Variants in ARHGEF7 observed in about 807,000 individuals in gnomAD.
ARHGEF7 encodes the protein PAK-interacting exchange factor beta.
In ARHGEF7, 33 loss-of-function variants were observed where a neutral mutation model predicts 109.8. The ratio of observed to expected loss-of-function variants is 0.30; its 90% confidence interval spans 0.23 to 0.40. The LOEUF is 0.40. Among genes scored for constraint, ARHGEF7 ranks in the 10% least tolerant of loss-of-function variants. ARHGEF7 has a pLI of 1.00. For missense variants in ARHGEF7, 938 were observed against 1,098.5 expected, an observed-to-expected ratio of 0.85 and a Z score of 2.07; for synonymous variants, 458 against 424.6, an observed-to-expected ratio of 1.08 and a Z score of -0.97.
intron 5 of ARHGEF7, among the ~76,000 whole-genome samples, chr13:111,220,460 C>G (rs962886857): frequency 4.6e-5 from 7 of 152,144 alleles, no homozygotes; most frequent in Admixed American, 2.0e-4. Flanking sequence ...TGTATTTCTC[C>G]TTGTGGATTT....
chr13:111,204,567 A>G (rs1594687294), intron 2 of ARHGEF7, among the ~76,000 whole-genome samples: 12 of 152,140 alleles, frequency 7.9e-5, no homozygotes, highest in Admixed American at 7.9e-4. Context: ...CCACATACCT[A>G]GGCAAACCAA....
chr13:111,172,370 C>T (rs1256518603), intron 2 of ARHGEF7, among the ~76,000 whole-genome samples: 3 of 151,766 alleles, frequency 2.0e-5, no homozygotes, highest in Non-Finnish European at 4.4e-5. Flanking sequence ...TTTAGAGCAT[C>T]GTCTCTGTGG....
At chr13:111,250,617 T>C (rs530046247) in intron 8 of ARHGEF7, among the ~76,000 whole-genome samples, 43 of 152,250 alleles carry the variant, frequency 2.8e-4, no homozygotes, top group Non-Finnish European at 4.4e-4. Flanking sequence ...GAGTTTCCAG[T>C]GGTTCAGTTC....
intron 13 of ARHGEF7, 35 bp from the exon 14 acceptor site, chr13:111,280,236 AT>A: frequency 2.6e-6 from 4 of 1,521,364 alleles, no homozygotes; most frequent in Non-Finnish European, 2.7e-6. Flanking sequence ...AAAAGCACTA[AT>A]TGTTTTTTTT....
chr13:111,233,176 A>T lies in ARHGEF7; in HGVS notation c.671-29A>T, dbSNP rs767376524. 3.2e-6 allele frequency: 5 copies of T among 1,573,450 alleles called. No individual in the cohort carries two copies. In the Admixed American group the frequency reaches 8.3e-5, roughly 26 times the overall value. On this transcript the variant is annotated intron_variant, in intron 5 of 21. Coordinates refer to ENST00000646102, the MANE Select transcript of ARHGEF7 (RefSeq NM_001354046.2). ...ACTTTTGTCATCTTTAGTACTGATCAGTAAAACTATGTTACATTTTCATTT... is the reference window on the plus strand; with the variant it reads ...ACTTTTGTCATCTTTAGTACTGATCTGTAAAACTATGTTACATTTTCATTT...
At chr13:111,202,376 G>A (rs921330822) in intron 2 of ARHGEF7, among the ~76,000 whole-genome samples, 10 of 152,202 alleles carry the variant, frequency 6.6e-5, no homozygotes, top group Admixed American at 4.6e-4. Context: ...CTGGACTCCA[G>A]AACACTGCTG....
intron 8 of ARHGEF7, among the ~76,000 whole-genome samples, chr13:111,261,062 G>A (rs911459215): frequency 6.6e-6 from 1 of 151,906 alleles, no homozygotes; most frequent in Non-Finnish European, 1.5e-5. Context: ...AGGAAGACAG[G>A]AAGGAAAAAA....
intron 8 of ARHGEF7, among the ~76,000 whole-genome samples, chr13:111,248,475 T>A (rs527761392): frequency 6.6e-6 from 1 of 152,228 alleles, no homozygotes; most frequent in African/African-American, 2.4e-5. Context: ...CTTTACTGTT[T>A]CTACTCTGCC....
chr13:111,220,651 C>T (rs2083714583), intron 5 of ARHGEF7, among the ~76,000 whole-genome samples: 1 of 152,070 alleles, frequency 6.6e-6, no homozygotes, highest in Non-Finnish European at 1.5e-5. Context: ...CATCGTGAGC[C>T]CCCGCTTTTG....
At chr13:111,301,193 C>A (rs2093558129) in intron 20 of ARHGEF7, among the ~76,000 whole-genome samples, 2 of 152,140 alleles carry the variant, frequency 1.3e-5, no homozygotes. Flanking sequence ...AGGTGATCTG[C>A]CCGCCTCGGC....
intron 2 of ARHGEF7, among the ~76,000 whole-genome samples, chr13:111,191,065 G>C (rs972000509): frequency 2.0e-5 from 3 of 152,120 alleles, no homozygotes; most frequent in Non-Finnish European, 4.4e-5. Flanking sequence ...CTAGTGGTGG[G>C]GGCGCTGCTG....
In ARHGEF7 at chr13:111,239,932, T is replaced by G. The variant is rs1414150515; in HGVS notation, c.760-3940T>G. On this transcript the variant is annotated intron_variant, in intron 6 of 21. Transcript: ENST00000646102. The surrounding 1 kb of genome is among the most constrained non-coding windows in gnomAD (Gnocchi z 4.3). Reference sequence around the variant, plus strand: ...TTACCTCCTGACTGAAGGAGTCATTTAAGAAGCAGCTCCAAGTAAGACTCT... The same window carrying G: ...TTACCTCCTGACTGAAGGAGTCATTGAAGAAGCAGCTCCAAGTAAGACTCT... Among the ~76,000 whole-genome samples, 2 of 152,108 alleles carry G rather than the reference T, an allele frequency of 1.3e-5. No homozygotes were observed. Among genetic ancestry groups the G allele is most frequent in the African/African-American group, 4.8e-5 (2 of 41,412 alleles).
At chr13:111,189,095 C>T (rs920984650) in intron 2 of ARHGEF7, among the ~76,000 whole-genome samples, 4 of 152,224 alleles carry the variant, frequency 2.6e-5, no homozygotes, top group Non-Finnish European at 5.9e-5. Context: ...TTGCCATTCT[C>T]ATTTAAGGAA....
At chr13:111,191,557 C>T (rs887792862) in intron 2 of ARHGEF7, among the ~76,000 whole-genome samples, 1 of 151,988 alleles carries the variant, frequency 6.6e-6, no homozygotes, top group African/African-American at 2.4e-5. Context: ...TGGTAGAGAC[C>T]CAGGTTTTTG....
intron 2 of ARHGEF7, among the ~76,000 whole-genome samples, chr13:111,175,058 T>C (rs1254129878): frequency 6.6e-6 from 1 of 152,248 alleles, no homozygotes; most frequent in Non-Finnish European, 1.5e-5. Flanking sequence ...AATTAGATTG[T>C]AGCCTTTCCA....
At chr13:111,236,804 A>G (rs1371049172) in intron 6 of ARHGEF7, among the ~76,000 whole-genome samples, 1 of 152,086 alleles carries the variant, frequency 6.6e-6, no homozygotes, top group Non-Finnish European at 1.5e-5. Context: ...ATGTCTCTAG[A>G]AAAAACCAAA....
At chr13:111,224,042 A>G (rs908106721) in intron 5 of ARHGEF7, among the ~76,000 whole-genome samples, 1 of 152,236 alleles carries the variant, frequency 6.6e-6, no homozygotes, top group East Asian at 1.9e-4. Context: ...TTTTTAGTAG[A>G]GACAGGGTTT....
At chr13:111,216,680 C>T (rs540490784) in intron 4 of ARHGEF7, among the ~76,000 whole-genome samples, 3 of 152,230 alleles carry the variant, frequency 2.0e-5, no homozygotes, top group East Asian at 1.9e-4. Flanking sequence ...TGGGACACTG[C>T]GTTGCAGGTG....
At chr13:111,139,994 G>A (rs1309545881) in intron 1 of ARHGEF7, among the ~76,000 whole-genome samples, 3 of 152,134 alleles carry the variant, frequency 2.0e-5, no homozygotes, top group Non-Finnish European at 2.9e-5. Context: ...GTCTTTTTCG[G>A]GATAGTTCCT....
Sources: gnomAD v4.1 joint callset for allele counts (sites outside exome capture counted in the v4.1 genomes callset) on GRCh38, gnomAD v4.1.1 for gene constraint, Gnocchi (gnomAD v3.1) non-coding constraint, MANE v1.5 for transcripts, NCBI Gene and HGNC (gene_info 2026-07-23, HGNC 2026-07-21) for gene names.